The following CDH4 variants were observed in gnomAD, a reference collection of about 807,000 sequenced individuals.
CDH4 encodes the protein cadherin-4.
A neutral mutation model predicts 86.0 loss-of-function variants in CDH4; 33 were observed. That is an observed-to-expected ratio of 0.38 (90% CI 0.29 to 0.51). The LOEUF is 0.51. CDH4 is among the 20% of genes least tolerant of loss of function. The pLI is 0.86. For synonymous variants in CDH4, 555 were observed against 549.4 expected (o/e 1.01, Z -0.14); for missense variants, 1,114 against 1,307.4 (o/e 0.85, Z 2.28).
chr20:61,583,284 G>A (rs368753311), intron 2 of CDH4, among the ~76,000 whole-genome samples: 2 of 120,882 alleles, frequency 1.7e-5, no homozygotes, highest in Admixed American at 8.0e-5. Context: ...GGGGACAGAC[G>A]GTTCTGCGGG....
At chr20:61,688,994 A>G (rs979014062) in intron 2 of CDH4, among the ~76,000 whole-genome samples, 5 of 152,332 alleles carry the variant, frequency 3.3e-5, no homozygotes, top group African/African-American at 1.2e-4. Flanking sequence ...GCCCCACTGG[A>G]CCTGCCTTCG....
intron 3 of CDH4, among the ~76,000 whole-genome samples, chr20:61,756,296 G>T (rs1322190518): frequency 1.3e-5 from 2 of 152,178 alleles, no homozygotes. Flanking sequence ...TTTGTATGCT[G>T]GGGGCTGTGG....
intron 2 of CDH4, among the ~76,000 whole-genome samples, chr20:61,679,047 C>T (rs974954948): frequency 1.3e-5 from 2 of 152,146 alleles, no homozygotes; most frequent in East Asian, 1.9e-4. Flanking sequence ...CCTAGGGTTC[C>T]GGTTGGATCT....
In CDH4 at chr20:61,393,950, A is replaced by G. The variant is rs115831579; in HGVS notation, c.169+139013A>G. Among the ~76,000 whole-genome samples the G allele has an allele frequency of 3.7e-3, 566 of 152,280 alleles. 5 individuals are homozygous for G. Among genetic ancestry groups the G allele is most frequent in the South Asian group, 0.027 (131 of 4,812 alleles). ...CATCATAATGACTGCCCCATATTCTATTATACCAATGTAATCTAATAACAT... is the reference window on the plus strand; with the variant it reads ...CATCATAATGACTGCCCCATATTCTGTTATACCAATGTAATCTAATAACAT... On this transcript the variant is annotated intron_variant, in intron 2 of 15. Coordinates refer to ENST00000614565, the MANE Select transcript of CDH4 (RefSeq NM_001794.5). This position sits in a 1 kb window ranked among gnomAD's most constrained non-coding sequence, Gnocchi z 4.3.
chr20:61,790,300 A>G (rs1979106292), intron 4 of CDH4, among the ~76,000 whole-genome samples: 1 of 150,016 alleles, frequency 6.7e-6, no homozygotes, highest in Non-Finnish European at 1.5e-5. Context: ...ACATCCATCC[A>G]CCCACTATCC....
At chr20:61,805,087 T>A (rs1980053494) in intron 4 of CDH4, among the ~76,000 whole-genome samples, 1 of 152,212 alleles carries the variant, frequency 6.6e-6, no homozygotes, top group Admixed American at 6.5e-5. Flanking sequence ...CTTTCCTTCT[T>A]GTCATTCCAG....
At chr20:61,468,181 G>A (rs1205296804) in intron 2 of CDH4, among the ~76,000 whole-genome samples, 2 of 152,124 alleles carry the variant, frequency 1.3e-5, no homozygotes, top group Admixed American at 6.5e-5. Flanking sequence ...AGCCCTTCTG[G>A]GAGCCAACTG....
At chr20:61,656,846 C>G (rs1306797540) in intron 2 of CDH4, among the ~76,000 whole-genome samples, 1 of 152,192 alleles carries the variant, frequency 6.6e-6, no homozygotes, top group Non-Finnish European at 1.5e-5. Context: ...ACAGAACCAG[C>G]CCAGGTCTTA....
intron 2 of CDH4, among the ~76,000 whole-genome samples, chr20:61,257,846 C>T (rs1428183583): frequency 6.6e-6 from 1 of 152,228 alleles, no homozygotes; most frequent in Non-Finnish European, 1.5e-5. Flanking sequence ...CACACCCAGA[C>T]CCGATTCATA....
At chr20:61,748,092 T>TG (rs531231380) in intron 3 of CDH4, among the ~76,000 whole-genome samples, 8 of 152,060 alleles carry the variant, frequency 5.3e-5, no homozygotes, top group African/African-American at 9.7e-5. Context: ...TGGGGCGTTG[T>TG]GGGGGGGTTG....
intron 2 of CDH4, among the ~76,000 whole-genome samples, chr20:61,657,226 T>G (rs1043141483): frequency 3.9e-5 from 6 of 152,214 alleles, no homozygotes; most frequent in Non-Finnish European, 8.8e-5. Flanking sequence ...TCCTATCTCA[T>G]GCAAATCTGT....
At chr20:61,752,985 G>A (rs2088518349) in intron 3 of CDH4, among the ~76,000 whole-genome samples, 1 of 152,178 alleles carries the variant, frequency 6.6e-6, no homozygotes, top group South Asian at 2.1e-4. Context: ...GTACGCTGTT[G>A]TACTTATAGT....
intron 2 of CDH4, among the ~76,000 whole-genome samples, chr20:61,644,697 A>G (rs1163366263): frequency 6.6e-6 from 1 of 152,198 alleles, no homozygotes; most frequent in African/African-American, 2.4e-5. Flanking sequence ...AACAACATCA[A>G]CAATCCGTCT....
At chr20:61,625,179 A>C (rs1387293124) in intron 2 of CDH4, among the ~76,000 whole-genome samples, 1 of 152,166 alleles carries the variant, frequency 6.6e-6, no homozygotes, top group Non-Finnish European at 1.5e-5. Context: ...ACCTCTCCCG[A>C]GCTGTGCATG....
chr20:61,711,154 C>A (rs67841147), intron 2 of CDH4, among the ~76,000 whole-genome samples: 26,974 of 152,110 alleles, frequency 0.18, 3,142 homozygotes, highest in African/African-American at 0.31. Flanking sequence ...ATATTGAGTG[C>A]GTTCTCATGA....
chr20:61,604,203 G>A (rs952456720), intron 2 of CDH4, among the ~76,000 whole-genome samples: 2 of 152,212 alleles, frequency 1.3e-5, no homozygotes, highest in South Asian at 2.1e-4. Context: ...TTTAGGCCCT[G>A]GAGGAAGAAT....
intron 2 of CDH4, among the ~76,000 whole-genome samples, chr20:61,561,033 C>T (rs1165579443): frequency 6.6e-6 from 1 of 152,208 alleles, no homozygotes; most frequent in East Asian, 1.9e-4. Flanking sequence ...GCCCCGGGCC[C>T]AGGTCCCCAC....
intron 2 of CDH4, among the ~76,000 whole-genome samples, chr20:61,512,069 C>T (rs2085784258): frequency 6.6e-6 from 1 of 152,160 alleles, no homozygotes; most frequent in African/African-American, 2.4e-5. Flanking sequence ...GGACTGTAAT[C>T]AAGCCCGTGT....
At chr20:61,749,452 C>T in intron 3 of CDH4, among the ~76,000 whole-genome samples, 1 of 152,130 alleles carries the variant, frequency 6.6e-6, no homozygotes. Flanking sequence ...AAATATTAAC[C>T]AAGCAAGTCC....
Sources: gnomAD v4.1 joint callset for allele counts (sites outside exome capture counted in the v4.1 genomes callset) on GRCh38, gnomAD v4.1.1 for gene constraint, Gnocchi (gnomAD v3.1) non-coding constraint, MANE v1.5 for transcripts, NCBI Gene and HGNC (gene_info 2026-07-23, HGNC 2026-07-21) for gene names.